SAMD4A: variants seen among roughly 807,000 people sequenced by gnomAD.
The protein encoded by SAMD4A is protein Smaug homolog 1.
A neutral mutation model predicts 81.3 loss-of-function variants in SAMD4A; 33 were observed. That is an observed-to-expected ratio of 0.41 (90% confidence interval 0.31 to 0.54). The LOEUF (loss-of-function observed/expected upper bound fraction) is 0.54. Ranked by LOEUF, SAMD4A falls within the 20% of genes least tolerant of loss-of-function variation. The probability of loss-of-function intolerance (pLI) is 0.37; values close to 1 mark genes in which losing one functional copy is unlikely to be tolerated. For synonymous variants in SAMD4A, 389 were observed against 382.1 expected (o/e 1.02, Z -0.21); for missense variants, 854 against 951.1 (o/e 0.90, Z 1.34).
intron 3 of SAMD4A, among the ~76,000 whole-genome samples, chr14:54,736,712 G>A (rs1002659747): frequency 2.8e-4 from 42 of 152,324 alleles, no homozygotes; most frequent in African/African-American, 8.7e-4. Context: ...TACGGACCCC[G>A]TCCTATGAAT....
intron 2 of SAMD4A, among the ~76,000 whole-genome samples, chr14:54,688,574 C>G (rs2036343240): frequency 6.6e-6 from 1 of 152,208 alleles, no homozygotes; most frequent in African/African-American, 2.4e-5. Flanking sequence ...GCAGCGATTG[C>G]TGCTTTTAAC....
chr14:54,737,611 A>G (rs1001561968), intron 4 of SAMD4A, among the ~76,000 whole-genome samples: 1 of 143,294 alleles, frequency 7.0e-6, no homozygotes, highest in Admixed American at 7.4e-5. Flanking sequence ...TAATGGTGAT[A>G]GGATCTTCTG....
At chr14:54,706,434 A>T (rs1331183163) in intron 3 of SAMD4A, among the ~76,000 whole-genome samples, 1 of 151,790 alleles carries the variant, frequency 6.6e-6, no homozygotes, top group Non-Finnish European at 1.5e-5. Flanking sequence ...GTGAAACCCT[A>T]TCTCTACTAA....
At chr14:54,601,988 A>G (rs1243661906) in intron 2 of SAMD4A, among the ~76,000 whole-genome samples, 2 of 152,166 alleles carry the variant, frequency 1.3e-5, no homozygotes, top group African/African-American at 4.8e-5. Context: ...TGGAGAGAAA[A>G]TTGAGGGAAG....
At chr14:54,645,446 A>G (rs1385818127) in intron 2 of SAMD4A, among the ~76,000 whole-genome samples, 6 of 152,236 alleles carry the variant, frequency 3.9e-5, no homozygotes, top group Admixed American at 3.3e-4. Context: ...TTAATTTACG[A>G]AAGACTCTGC....
intron 2 of SAMD4A, among the ~76,000 whole-genome samples, chr14:54,615,045 G>T (rs34343697): frequency 0.37 from 56,904 of 152,018 alleles, 10,915 homozygotes; most frequent in Middle Eastern, 0.45. Context: ...TAGTGAAGAG[G>T]AGATGGCTGA....
intron 2 of SAMD4A, among the ~76,000 whole-genome samples, chr14:54,602,377 A>T (rs1356260793): frequency 7.0e-6 from 1 of 142,278 alleles, no homozygotes; most frequent in Admixed American, 7.0e-5. Flanking sequence ...CACACACACG[A>T]AACACCAGGA....
At chr14:54,718,575 G>GT (rs1288887071) in intron 3 of SAMD4A, among the ~76,000 whole-genome samples, 1 of 152,058 alleles carries the variant, frequency 6.6e-6, no homozygotes, top group Non-Finnish European at 1.5e-5. Context: ...TGTTGTTGTT[G>GT]TTTTTTCTAA....
Position 54,760,104 on chromosome 14 carries a change from G to A in SAMD4A, c.1177-57G>A. The A allele has an allele frequency of 3.2e-6, 5 of 1,554,882 alleles. No homozygotes were observed. In the South Asian group the frequency reaches 5.8e-5, roughly 18 times the overall value. On this transcript the variant is annotated intron_variant, in intron 6 of 12. Coordinates refer to ENST00000554335, the MANE Select transcript of SAMD4A (RefSeq NM_015589.6). ...TCAGGGCAGGGGAGGGCAGGTACGG[G>A]GGTGGATGACCCTTATTCCTGAGCC... is the stretch of plus-strand genomic sequence containing the variant.
chr14:54,597,238 C>G (rs2033933643), intron 2 of SAMD4A, among the ~76,000 whole-genome samples: 1 of 151,850 alleles, frequency 6.6e-6, no homozygotes, highest in Non-Finnish European at 1.5e-5. Flanking sequence ...CCCCACATCT[C>G]TCTATCTCTC....
intron 2 of SAMD4A, chr14:54,689,480 CA>C (rs774205484): frequency 3.3e-5 from 5 of 152,230 alleles, no homozygotes; most frequent in Admixed American, 1.3e-4. Flanking sequence ...GGAGGTAGCC[CA>C]TTTTCCAGAT....
At chr14:54,677,572 A>G (rs945229629) in intron 2 of SAMD4A, among the ~76,000 whole-genome samples, 4 of 152,220 alleles carry the variant, frequency 2.6e-5, no homozygotes, top group African/African-American at 9.6e-5. Context: ...TCGTAGTTCC[A>G]AGCTACGGTT....
At chr14:54,747,399 C>T (rs2037994615) in intron 4 of SAMD4A, among the ~76,000 whole-genome samples, 1 of 152,208 alleles carries the variant, frequency 6.6e-6, no homozygotes. Flanking sequence ...TTCCCTAAAC[C>T]TAGAGTTGGT....
intron 2 of SAMD4A, among the ~76,000 whole-genome samples, chr14:54,654,063 C>T (rs745639669): frequency 6.6e-6 from 1 of 152,212 alleles, no homozygotes; most frequent in Non-Finnish European, 1.5e-5. Context: ...TAGGAGTCTC[C>T]GGCTGGGTTC....
intron 4 of SAMD4A, among the ~76,000 whole-genome samples, chr14:54,741,694 T>C (rs1482527866): frequency 6.6e-6 from 1 of 152,180 alleles, no homozygotes; most frequent in Non-Finnish European, 1.5e-5. Context: ...TGAATGACCC[T>C]CATTCAAAGT....
At chr14:54,637,920 G>A (rs995307813) in intron 2 of SAMD4A, among the ~76,000 whole-genome samples, 12 of 152,134 alleles carry the variant, frequency 7.9e-5, no homozygotes, top group African/African-American at 2.7e-4. Context: ...AATAAACAAC[G>A]TGTGCACAGA....
rs573029401 is a variant in SAMD4A, at chr14:54,655,632, G to T, written c.197-46430G>T. 6.1e-4 allele frequency among the ~76,000 whole-genome samples: 93 copies of T among 152,242 alleles called. 1 individual carries two copies. Among genetic ancestry groups the T allele is most frequent in the Non-Finnish European group, 9.1e-4 (62 of 68,022 alleles). ...GCATACCTGTAATCTCAGCTACTCG[G>T]GAGGCTGAGGCAGGAGAATCCCTTG... is the stretch of plus-strand genomic sequence containing the variant. On this transcript the variant is annotated intron_variant, in intron 2 of 12. Transcript: ENST00000554335.
chr14:54,634,816 C>A (rs1236990776), intron 2 of SAMD4A, among the ~76,000 whole-genome samples: 1 of 151,966 alleles, frequency 6.6e-6, no homozygotes, highest in Non-Finnish European at 1.5e-5. Flanking sequence ...TATACTGACA[C>A]GTTATTTATA....
At chr14:54,630,463 T>C (rs1342686251) in intron 2 of SAMD4A, among the ~76,000 whole-genome samples, 1 of 152,254 alleles carries the variant, frequency 6.6e-6, no homozygotes, top group East Asian at 1.9e-4. Context: ...ATGTGCTTAT[T>C]AGCCATTTGT....
Sources: allele counts gnomAD v4.1 joint callset (sites outside exome capture counted in the v4.1 genomes callset), GRCh38; gene constraint gnomAD v4.1.1; transcripts MANE v1.5; gene names NCBI Gene and HGNC (gene_info 2026-07-23, HGNC 2026-07-21).